The following JADE1 variants were observed in gnomAD, a reference collection of about 807,000 sequenced individuals.
JADE1 encodes jade family PHD finger 1.
Under a neutral mutation model 81.8 loss-of-function variants are expected in JADE1, and 14 were observed. The observed-to-expected ratio is 0.17, with a 90% confidence interval of 0.11 to 0.27. The LOEUF (loss-of-function observed/expected upper bound fraction) is 0.27. JADE1 is among the 10% of genes least tolerant of loss of function. The pLI, the probability that JADE1 is intolerant of heterozygous loss-of-function variation, is 1.00. For synonymous variants in JADE1, 353 were observed against 391.9 expected, an observed-to-expected ratio of 0.90 and a Z score of 1.17; for missense variants, 690 against 1,047.9, an observed-to-expected ratio of 0.66 and a Z score of 4.71.
chr4:128,809,939 T>TCCGCGTGTGGGTCCGTGTGCGC (rs1726188141), intron 1 of JADE1, 62 bp downstream of exon 1: 1 of 149,794 alleles, frequency 6.7e-6, no homozygotes, highest in Non-Finnish European at 1.5e-5. Context: ...TCCGCGCGTG[T>TCCGCGTGTGGGTCCGTGTGCGC]CCGCGTGTGG....
At position 128,871,370 on chromosome 4, in the gene JADE1, G is replaced by C; in HGVS notation, c.1637G>C (p.Cys546Ser). The C allele has an allele frequency of 1.2e-6, 2 of 1,613,036 alleles. No individual in the cohort carries two copies. Among genetic ancestry groups the C allele is most frequent in the Non-Finnish European group, 1.7e-6 (2 of 1,179,294 alleles). ...ATGTTTATAGGTGTGCCTTCTTCCT[G>C]CTCCTCCTCCTCACTGGAAAACATG... ...QERVSGVPSS[C>S]SSSSLENMLL... The change falls in exon 11 of 11, where the codon TGC becomes TCC. Residue 546 changes from cysteine (C) to serine (S), a missense_variant. Physicochemically the swap from Cys to Ser is moderately radical, Grantham distance 112. This residue lies in a region of JADE1 where 86 missense variants were observed against 95.4 expected (regional missense o/e 0.90). Transcript: ENST00000226319. The surrounding 1 kb of genome is among the most constrained non-coding windows in gnomAD (Gnocchi z 4.1).
At chr4:128,868,227 C>T (rs1241039996) in intron 10 of JADE1, among the ~76,000 whole-genome samples, 1 of 152,188 alleles carries the variant, frequency 6.6e-6, no homozygotes, top group African/African-American at 2.4e-5. Flanking sequence ...TTTTGAGTCT[C>T]CCTAATTTCT....
At chr4:128,848,093 T>A (rs1206041410) in intron 4 of JADE1, among the ~76,000 whole-genome samples, 1 of 152,204 alleles carries the variant, frequency 6.6e-6, no homozygotes, top group East Asian at 1.9e-4. Context: ...GTTCCTGGGA[T>A]CATGGGTATA....
At chr4:128,845,611 T>C (rs10026447) in intron 3 of JADE1, among the ~76,000 whole-genome samples, 2,420 of 152,074 alleles carry the variant, frequency 0.016, 76 homozygotes, top group African/African-American at 0.056. Context: ...GGGGGCAGTC[T>C]CATTATAGAA....
At chr4:128,869,032 T>C (rs6813405) in intron 10 of JADE1, among the ~76,000 whole-genome samples, 3,639 of 152,342 alleles carry the variant, frequency 0.024, 116 homozygotes, top group African/African-American at 0.074. Flanking sequence ...TAACCTGTTG[T>C]GTTGAAATCC....
intron 9 of JADE1, chr4:128,862,960 G>C: frequency 2.0e-6 from 2 of 986,152 alleles, no homozygotes; most frequent in Non-Finnish European, 2.4e-6. Flanking sequence ...TCTGTGTGCG[G>C]GTATGGGTGG....
intron 1 of JADE1, among the ~76,000 whole-genome samples, chr4:128,820,748 G>A (rs1269342760): frequency 6.6e-6 from 1 of 151,738 alleles, no homozygotes; most frequent in Non-Finnish European, 1.5e-5. Flanking sequence ...TAGTGGTAAC[G>A]GATAGTTTCT....
chr4:128,872,600 C>A lies in JADE1; in HGVS notation c.*338C>A. 3.7e-6 allele frequency: 1 copy of A among 270,654 alleles called. No individual in the cohort carries two copies. The highest frequency in any genetic ancestry group is 4.8e-5 in the South Asian group (1 of 20,670). 16.8% of individuals were successfully genotyped at this position (270,654 alleles called of 1,614,324 possible). A position where few individuals can be genotyped will look rare whatever the true frequency, so the allele number is the denominator to read the frequency against. ...TTTTTATAGCCCTCTGCATTCTTCC[C>A]AAAGCACAAACTCATGGTTACCTGA... On this transcript the variant is annotated 3_prime_UTR_variant, in exon 11 of 11. Transcript: ENST00000226319.
chr4:128,840,629 G>A (rs1408879021), intron 2 of JADE1, among the ~76,000 whole-genome samples: 1 of 152,130 alleles, frequency 6.6e-6, no homozygotes, highest in Non-Finnish European at 1.5e-5. Context: ...TAGACCCTAG[G>A]AGCCACCCAG....
chr4:128,839,142 C>A (rs1175694195), intron 2 of JADE1, among the ~76,000 whole-genome samples: 1 of 152,196 alleles, frequency 6.6e-6, no homozygotes, highest in East Asian at 1.9e-4. Context: ...GTGTGCACAG[C>A]ACTGACTAAC....
At chr4:128,863,289 T>A in intron 9 of JADE1, 3 of 985,640 alleles carry the variant, frequency 3.0e-6, no homozygotes, top group Non-Finnish European at 3.6e-6. Flanking sequence ...TAGAGCATCT[T>A]CCACATCAAC....
chr4:128,821,281 C>T (rs1727543746), intron 1 of JADE1, among the ~76,000 whole-genome samples: 1 of 152,108 alleles, frequency 6.6e-6, no homozygotes, highest in South Asian at 2.1e-4. Context: ...GGCAAATGGG[C>T]TTTATCTCTC....
intron 5 of JADE1, among the ~76,000 whole-genome samples, chr4:128,850,853 T>C (rs1042765084): frequency 1.3e-5 from 2 of 152,236 alleles, no homozygotes; most frequent in African/African-American, 4.8e-5. Context: ...GTTGAATACA[T>C]TGGCAAGATT....
intron 2 of JADE1, among the ~76,000 whole-genome samples, chr4:128,834,240 A>C (rs550916245): frequency 1.3e-5 from 2 of 152,322 alleles, no homozygotes; most frequent in South Asian, 2.1e-4. Context: ...TGGAAGTCCA[A>C]GGTACTGGCA....
At chr4:128,838,561 C>T (rs1225448342) in intron 2 of JADE1, among the ~76,000 whole-genome samples, 2 of 152,102 alleles carry the variant, frequency 1.3e-5, no homozygotes, top group African/African-American at 4.8e-5. Context: ...TCTTACCACG[C>T]GGTTTTTAAC....
chr4:128,867,701 CAG>C (rs1267962150), intron 9 of JADE1, among the ~76,000 whole-genome samples, 153 bp from the exon 10 acceptor site: 1 of 152,128 alleles, frequency 6.6e-6, no homozygotes, highest in East Asian at 1.9e-4. Flanking sequence ...AAAAGGAGAT[CAG>C]AGATTGGATA....
chr4:128,870,847 G>A (rs1179766063), intron 10 of JADE1, among the ~76,000 whole-genome samples: 1 of 152,162 alleles, frequency 6.6e-6, no homozygotes, highest in African/African-American at 2.4e-5. Context: ...TCATTCACAT[G>A]TTTACATGTA....
At chr4:128,829,851 T>C (rs1407307664) in intron 1 of JADE1, among the ~76,000 whole-genome samples, 1 of 152,154 alleles carries the variant, frequency 6.6e-6, no homozygotes, top group Non-Finnish European at 1.5e-5. Context: ...TAAAATTGCT[T>C]TCTTGTTCTA....
At chr4:128,831,080 T>C (rs1728510258) in intron 1 of JADE1, among the ~76,000 whole-genome samples, 1 of 152,236 alleles carries the variant, frequency 6.6e-6, no homozygotes, top group Non-Finnish European at 1.5e-5. Flanking sequence ...GGGAAGTTGC[T>C]GCTTAACCTT....
Sources: gnomAD v4.1 joint callset for allele counts (sites outside exome capture counted in the v4.1 genomes callset) on GRCh38, gnomAD v4.1.1 for gene constraint, gnomAD v4.1.1 regional missense constraint, Gnocchi (gnomAD v3.1) non-coding constraint, MANE v1.5 for transcripts, NCBI Gene and HGNC (gene_info 2026-07-23, HGNC 2026-07-21) for gene names.